The following FERRY3 variants were observed in gnomAD, a reference collection of about 807,000 sequenced individuals.
FERRY3 encodes FERRY endosomal RAB5 effector complex subunit 3.
chr12:4,491,342 A>T, the FERRY3 span: 2 of 971,390 alleles, frequency 2.1e-6, no homozygotes, highest in Non-Finnish European at 3.1e-6. Context: ...GAACAGATTT[A>T]GGTAACTGTT....
At chr12:4,536,676 A>C in the FERRY3 span, among the ~76,000 whole-genome samples, 3 of 152,192 alleles carry the variant, frequency 2.0e-5, no homozygotes, top group Admixed American at 2.0e-4. Context: ...GAAGGGGAGT[A>C]AGAAAGTGTT....
the FERRY3 span, among the ~76,000 whole-genome samples, chr12:4,508,563 G>C: frequency 1.3e-5 from 2 of 152,120 alleles, no homozygotes; most frequent in African/African-American, 4.8e-5. Context: ...TGGCCAACAT[G>C]GCAAAACCCC....
At chr12:4,505,454 G>A in the FERRY3 span, 4 of 1,044,878 alleles carry the variant, frequency 3.8e-6, no homozygotes, top group Non-Finnish European at 5.8e-6. Context: ...GCTCCCAAAA[G>A]AATCACAACA....
chr12:4,517,074 C>A, the FERRY3 span: 1 of 1,556,146 alleles, frequency 6.4e-7, no homozygotes, highest in South Asian at 1.3e-5. Flanking sequence ...GTGATTCTTT[C>A]AATTTACTCC....
At chr12:4,508,619 T>G in the FERRY3 span, among the ~76,000 whole-genome samples, 2 of 151,800 alleles carry the variant, frequency 1.3e-5, no homozygotes, top group African/African-American at 4.8e-5. Flanking sequence ...GTGGTACACA[T>G]CTGTAATCCC....
the FERRY3 span, among the ~76,000 whole-genome samples, chr12:4,499,969 T>A: frequency 3.3e-5 from 5 of 152,328 alleles, no homozygotes; most frequent in South Asian, 4.1e-4. Flanking sequence ...TGGTTAAGGA[T>A]TATTCACCAA....
chr12:4,521,148 C>G, the FERRY3 span, among the ~76,000 whole-genome samples: 5 of 152,138 alleles, frequency 3.3e-5, no homozygotes, highest in African/African-American at 4.8e-5. Flanking sequence ...ATCACGAGAT[C>G]AGGAGTTCAA....
the FERRY3 span, among the ~76,000 whole-genome samples, chr12:4,491,656 C>T: frequency 6.6e-6 from 1 of 152,214 alleles, no homozygotes; most frequent in East Asian, 1.9e-4. Flanking sequence ...CCCATCCCAG[C>T]CACCTAACAA....
chr12:4,517,732 G>A, the FERRY3 span, among the ~76,000 whole-genome samples: 3 of 149,572 alleles, frequency 2.0e-5, no homozygotes, highest in East Asian at 3.9e-4. Context: ...GAGAGAGAGA[G>A]AGAGAGACAA....
the FERRY3 span, among the ~76,000 whole-genome samples, chr12:4,532,327 C>T: frequency 6.6e-6 from 1 of 152,106 alleles, no homozygotes; most frequent in East Asian, 1.9e-4. Flanking sequence ...GTACAGCATA[C>T]AGCATAAACG....
chr12:4,525,649 C>T, the FERRY3 span: 2 of 1,132,178 alleles, frequency 1.8e-6, no homozygotes, highest in Non-Finnish European at 2.6e-6. Context: ...CCTTCAGATT[C>T]ATCAAACAAT....
the FERRY3 span, among the ~76,000 whole-genome samples, chr12:4,526,009 A>G: frequency 1.3e-4 from 20 of 152,258 alleles, no homozygotes; most frequent in Admixed American, 9.2e-4. Context: ...GTTAGTTTAC[A>G]TTATATCCAG....
chr12:4,491,151 G>A, the FERRY3 span: 2 of 1,608,396 alleles, frequency 1.2e-6, no homozygotes, highest in Non-Finnish European at 1.7e-6. Context: ...ACAGGTGGTG[G>A]TTGTCAGAGA....
At chr12:4,489,910 A>G in the FERRY3 span, 1 of 1,484,418 alleles carries the variant, frequency 6.7e-7, no homozygotes, top group Non-Finnish European at 9.3e-7. Flanking sequence ...CTGTAAGACG[A>G]AAAAATAATA....
chr12:4,536,252 A>AGGGAGGTGGGGGGGTC, the FERRY3 span: 1 of 1,222,158 alleles, frequency 8.2e-7, no homozygotes, highest in Non-Finnish European at 1.1e-6. Flanking sequence ...TAAGTCCATA[A>AGGGAGGTGGGGGGGTC]AGAAATTATG....
chr12:4,489,852 C>A, the FERRY3 span: 1 of 1,611,446 alleles, frequency 6.2e-7, no homozygotes, highest in African/African-American at 1.3e-5. Flanking sequence ...CTCGGAAGAT[C>A]TGGGGAAGCA....
chr12:4,514,032 T>G, the FERRY3 span, among the ~76,000 whole-genome samples: 3 of 149,590 alleles, frequency 2.0e-5, no homozygotes, highest in Non-Finnish European at 3.0e-5. Context: ...TACAATGAAC[T>G]CAAACAAATT....
chr12:4,497,045 A>T, the FERRY3 span, among the ~76,000 whole-genome samples: 1 of 152,232 alleles, frequency 6.6e-6, no homozygotes, highest in Non-Finnish European at 1.5e-5. Context: ...TATTTTGACA[A>T]GCTAATTCTC....
chr12:4,533,963 A>AT, the FERRY3 span: 1 of 453,232 alleles, frequency 2.2e-6, no homozygotes, highest in South Asian at 6.4e-5. Flanking sequence ...TTACAAAGGT[A>AT]TTACATAAAT....
Sources: allele counts gnomAD v4.1 joint callset (sites outside exome capture counted in the v4.1 genomes callset), GRCh38; gene constraint gnomAD v4.1.1; transcripts MANE v1.5; gene names NCBI Gene and HGNC (gene_info 2026-07-23, HGNC 2026-07-21).